SLC39A11: variants seen among roughly 807,000 people sequenced by gnomAD.
SLC39A11 encodes the protein solute carrier family 39 member 11.
In SLC39A11, 33 loss-of-function variants were observed where a neutral mutation model predicts 36.1. That is an observed-to-expected ratio of 0.91 (90% CI 0.69 to 1.22). SLC39A11 has a LOEUF of 1.22. Ranked by LOEUF, SLC39A11 falls within the 50% of genes most tolerant of loss-of-function variation. The pLI, the probability that SLC39A11 is intolerant of heterozygous loss-of-function variation, is 0.00. For missense variants in SLC39A11, 432 were observed against 430.3 expected, an observed-to-expected ratio of 1.00 and a Z score of -0.03; for synonymous variants, 166 against 170.3, an observed-to-expected ratio of 0.97 and a Z score of 0.20.
chr17:73,068,929 T>C (rs924674675), intron 3 of SLC39A11, among the ~76,000 whole-genome samples: 5 of 152,102 alleles, frequency 3.3e-5, no homozygotes, highest in African/African-American at 1.2e-4. Context: ...CTCCAGAAAC[T>C]TCCCCATCAA....
chr17:72,933,974 A>G (rs2084587190), intron 5 of SLC39A11, among the ~76,000 whole-genome samples: 1 of 152,190 alleles, frequency 6.6e-6, no homozygotes, highest in Non-Finnish European at 1.5e-5. Context: ...AGGTTAATTC[A>G]ATGGAGAAAA....
At chr17:72,944,653 T>G (rs545374459) in intron 5 of SLC39A11, among the ~76,000 whole-genome samples, 1 of 152,270 alleles carries the variant, frequency 6.6e-6, no homozygotes, top group African/African-American at 2.4e-5. Context: ...TTTCTAGAAT[T>G]TACTCAACAA....
At chr17:72,673,756 G>A (rs996296623) in intron 7 of SLC39A11, among the ~76,000 whole-genome samples, 4 of 152,094 alleles carry the variant, frequency 2.6e-5, no homozygotes, top group Non-Finnish European at 5.9e-5. Flanking sequence ...GTAAGAAACA[G>A]TCGGAGTTAT....
intron 3 of SLC39A11, among the ~76,000 whole-genome samples, chr17:73,038,225 AAAAC>A (rs966944965): frequency 1.1e-4 from 17 of 152,180 alleles, no homozygotes; most frequent in African/African-American, 4.8e-5. Context: ...AACTGTCTCA[AAAAC>A]AAACAAACAA....
At chr17:72,753,224 A>G (rs1287676609) in intron 6 of SLC39A11, among the ~76,000 whole-genome samples, 2 of 152,128 alleles carry the variant, frequency 1.3e-5, no homozygotes, top group Non-Finnish European at 2.9e-5. Flanking sequence ...ATTCAGCATT[A>G]GGTGGTCTTT....
At chr17:72,991,351 T>C (rs779540346) in intron 4 of SLC39A11, among the ~76,000 whole-genome samples, 8 of 152,020 alleles carry the variant, frequency 5.3e-5, no homozygotes, top group South Asian at 2.1e-4. Context: ...GTTATTTTTA[T>C]TTATTTTTTA....
intron 6 of SLC39A11, among the ~76,000 whole-genome samples, chr17:72,818,558 C>A (rs1337078919): frequency 1.3e-5 from 2 of 152,156 alleles, no homozygotes; most frequent in Non-Finnish European, 2.9e-5. Flanking sequence ...TGATTTAAAA[C>A]CTATGTTCTT....
chr17:72,753,749 C>A (rs980074609), intron 6 of SLC39A11, among the ~76,000 whole-genome samples: 3 of 151,846 alleles, frequency 2.0e-5, no homozygotes, highest in Non-Finnish European at 2.9e-5. Context: ...CAGGGTTGTA[C>A]AAGTCTGTTT....
intron 5 of SLC39A11, among the ~76,000 whole-genome samples, chr17:72,936,794 C>T (rs2084799164): frequency 6.6e-6 from 1 of 151,978 alleles, no homozygotes; most frequent in African/African-American, 2.4e-5. Flanking sequence ...ACCCTCCGAT[C>T]ATCAGACATT....
intron 8 of SLC39A11, 68 bp downstream of exon 8, chr17:72,649,102 A>C: frequency 1.9e-6 from 3 of 1,563,312 alleles, no homozygotes; most frequent in Non-Finnish European, 2.6e-6. Flanking sequence ...AAAGCACATC[A>C]CTGTTTTGTT....
chr17:72,714,862 C>G (rs1234836448), intron 7 of SLC39A11, among the ~76,000 whole-genome samples: 2 of 152,174 alleles, frequency 1.3e-5, no homozygotes, highest in Non-Finnish European at 2.9e-5. Context: ...GAAGAAGGAA[C>G]GTGGCCGTAC....
chr17:72,879,324 G>A (rs2081078376), intron 5 of SLC39A11, among the ~76,000 whole-genome samples: 1 of 152,158 alleles, frequency 6.6e-6, no homozygotes, highest in Non-Finnish European at 1.5e-5. Flanking sequence ...AAGCTATCTA[G>A]GGGCTCCCAG....
At chr17:72,983,098 G>C (rs2088451604) in intron 4 of SLC39A11, among the ~76,000 whole-genome samples, 1 of 152,000 alleles carries the variant, frequency 6.6e-6, no homozygotes, top group Admixed American at 6.5e-5. Flanking sequence ...ACCTTCATTT[G>C]ATGGAATAGT....
At chr17:72,905,197 A>AAAAAAAAAAAAAAAAT (rs2082593824) in intron 5 of SLC39A11, among the ~76,000 whole-genome samples, 1 of 148,816 alleles carries the variant, frequency 6.7e-6, no homozygotes, top group African/African-American at 2.5e-5. Context: ...AAAAAAAAAA[A>AAAAAAAAAAAAAAAAT]AGATAGCACA....
intron 9 of SLC39A11, among the ~76,000 whole-genome samples, chr17:72,648,285 A>C (rs947869227): frequency 4.7e-5 from 7 of 149,806 alleles, no homozygotes; most frequent in Non-Finnish European, 1.5e-5. Context: ...AGCCGAGATC[A>C]CACCACTGCA....
chr17:73,005,464 C>T (rs968756530), intron 4 of SLC39A11, among the ~76,000 whole-genome samples: 2 of 152,184 alleles, frequency 1.3e-5, no homozygotes, highest in African/African-American at 4.8e-5. Flanking sequence ...CCCTCATGGC[C>T]ACCCTCTCAC....
Position 73,090,197 on chromosome 17 carries a change from C to T in SLC39A11, c.-11-1422G>A, listed in dbSNP as rs1316361726. 3.3e-5 allele frequency among the ~76,000 whole-genome samples: 5 copies of T among 152,244 alleles called. No individual in the cohort carries two copies. In the East Asian group the frequency reaches 7.7e-4, roughly 24 times the overall value. On this transcript the variant is annotated intron_variant, in intron 1 of 9. Transcript: ENST00000255559. The stretch of plus-strand genomic sequence containing the variant: ...GAAGGAAACCATGGCAGAGTGTGGA[C>T]GCAGCCCTTATGCCAAGCGGCTCAG...
At chr17:72,681,024 C>T (rs1322193947) in intron 7 of SLC39A11, among the ~76,000 whole-genome samples, 1 of 152,122 alleles carries the variant, frequency 6.6e-6, no homozygotes, top group African/African-American at 2.4e-5. Context: ...TCATTGTTAA[C>T]CTTCATCTCC....
intron 7 of SLC39A11, among the ~76,000 whole-genome samples, chr17:72,668,499 A>G (rs1348971458): frequency 6.6e-6 from 1 of 152,218 alleles, no homozygotes; most frequent in Non-Finnish European, 1.5e-5. Context: ...GGTTTGTGCA[A>G]GAGGGACTAT....
Sources: allele counts gnomAD v4.1 joint callset (sites outside exome capture counted in the v4.1 genomes callset), GRCh38; gene constraint gnomAD v4.1.1; transcripts MANE v1.5; gene names NCBI Gene and HGNC (gene_info 2026-07-23, HGNC 2026-07-21).